ZNF91: variants seen among roughly 807,000 people sequenced by gnomAD.
The protein encoded by ZNF91 is zinc finger protein 91 (HPF7, HTF10).
Under a neutral mutation model 12.6 loss-of-function variants are expected in ZNF91, and 7 were observed. That is an observed-to-expected ratio of 0.55 (90% CI 0.31 to 1.04). ZNF91 has a LOEUF of 1.04. ZNF91 is among the 50% of genes least tolerant of loss of function. The pLI, the probability that ZNF91 is intolerant of heterozygous loss-of-function variation, is 0.05. For synonymous variants in ZNF91, 453 were observed against 462.6 expected (o/e 0.98, Z 0.27); for missense variants, 1,217 against 1,385.4 (o/e 0.88, Z 1.93).
chr19:23,313,259 G>A (rs980745753), upstream of ZNF91, among the ~76,000 whole-genome samples: 4 of 152,236 alleles, frequency 2.6e-5, no homozygotes, highest in African/African-American at 9.6e-5. Flanking sequence ...CCCACATACA[G>A]GATTGTGACT....
chr19:23,378,443 T>C (rs530102505), intron 1 of ZNF91, among the ~76,000 whole-genome samples: 8 of 152,346 alleles, frequency 5.3e-5, no homozygotes, highest in Non-Finnish European at 1.0e-4. Flanking sequence ...TTTCTTTTTT[T>C]AAACTTAGCT....
Position 23,361,368 on chromosome 19 carries a change from C to T in ZNF91, c.1611G>A (p.Lys537=). The change falls in exon 4 of 4, where the codon AAG becomes AAA. Residue 537 remains lysine, a synonymous_variant. Coordinates refer to ENST00000300619, the MANE Select transcript of ZNF91 (RefSeq NM_003430.4). The part of the protein sequence containing the change: ...FRQSLTLNKH[K]IIHSREKPYK... ...AGGGTTTCTCTCTACTATGAATTAT[C>T]TTATGTTTATTAAGGGTTAAGGATT... 1 of 1,613,188 alleles carries T rather than the reference C, an allele frequency of 6.2e-7. No homozygotes were observed. Among genetic ancestry groups the T allele is most frequent in the East Asian group, 2.2e-5 (1 of 44,794 alleles).
At chr19:23,374,125 G>A (rs1173011381) in intron 2 of ZNF91, among the ~76,000 whole-genome samples, 2 of 152,062 alleles carry the variant, frequency 1.3e-5, no homozygotes, top group Non-Finnish European at 2.9e-5. Flanking sequence ...AATCTAAAGT[G>A]AAGGACACAG....
At chr19:23,378,710 C>T (rs1313374737) in intron 1 of ZNF91, among the ~76,000 whole-genome samples, 1 of 152,040 alleles carries the variant, frequency 6.6e-6, no homozygotes, top group Admixed American at 6.6e-5. Flanking sequence ...ATAAAGAAAA[C>T]GGCCCAAATA....
downstream of ZNF91, among the ~76,000 whole-genome samples, chr19:23,337,626 T>C (rs1024021254): frequency 1.3e-5 from 2 of 151,972 alleles, no homozygotes; most frequent in Non-Finnish European, 2.9e-5. Context: ...AACACAATAA[T>C]TCTCCAGTAC....
chr19:23,362,652 C>A lies in ZNF91; in HGVS notation c.327G>T (p.Leu109=), dbSNP rs1355630784. Residue 109 remains leucine, a synonymous_variant, in exon 4 of 4, where the codon CTG becomes CTT. Transcript: ENST00000300619. ...CATGTCCACATTTTTCATATTTTCT[C>A]AGTAATACTTTTTGAAAAGAATCTT... ...SMEDSFQKVL[L]RKYEKCGHEN... 2.6e-6 allele frequency: 4 copies of A among 1,564,976 alleles called. No individual in the cohort carries two copies. The highest frequency in any genetic ancestry group is 3.4e-6 in the Non-Finnish European group (4 of 1,161,644).
chr19:23,387,765 C>CTAGCCTGG (rs1568404266), intron 1 of ZNF91, among the ~76,000 whole-genome samples: 1 of 151,588 alleles, frequency 6.6e-6, no homozygotes, highest in Non-Finnish European at 1.5e-5. Context: ...CATGGTAAAA[C>CTAGCCTGG]CCCATCTCTT....
rs776326676 is a variant in ZNF91, at chr19:23,362,274, A to G, written c.705T>C (p.Asp235=). Reference sequence around the variant, plus strand: ...CACATTCTTCACATTTGTAGGGTTTATCTTCAGTATGAATTTCCTTATGAT... The same window carrying G: ...CACATTCTTCACATTTGTAGGGTTTGTCTTCAGTATGAATTTCCTTATGAT... ...LTNHKEIHTE[D]KPYKCEECGK... Residue 235 remains aspartate (D), a synonymous_variant, in exon 4 of 4, where the codon GAT becomes GAC. Coordinates refer to ENST00000300619, the MANE Select transcript of ZNF91 (RefSeq NM_003430.4). 1 of 1,613,956 alleles carries G rather than the reference A, an allele frequency of 6.2e-7. No homozygotes were observed. The highest frequency in any genetic ancestry group is 8.5e-7 in the Non-Finnish European group (1 of 1,179,962).
chr19:23,333,076 T>C (rs1048889223), intron 1 of ZNF91, among the ~76,000 whole-genome samples: 1 of 152,188 alleles, frequency 6.6e-6, no homozygotes, highest in African/African-American at 2.4e-5. Flanking sequence ...TGGTGGATCA[T>C]GGGGGACTCT....
chr19:23,393,424 T>C (rs577401252), intron 1 of ZNF91, among the ~76,000 whole-genome samples: 1 of 152,126 alleles, frequency 6.6e-6, no homozygotes, highest in Admixed American at 6.6e-5. Flanking sequence ...CACATAGCCA[T>C]GGTGGGTATC....
downstream of ZNF91, among the ~76,000 whole-genome samples, chr19:23,335,289 G>A (rs1442139927): frequency 2.0e-5 from 3 of 152,210 alleles, no homozygotes; most frequent in African/African-American, 7.2e-5. Context: ...CACTTGAAGA[G>A]GCAGTCTGTC....
At chr19:23,314,994 T>C (rs1235266081), upstream of ZNF91, among the ~76,000 whole-genome samples, 1 of 152,240 alleles carries the variant, frequency 6.6e-6, no homozygotes. Context: ...TATTAGGTTA[T>C]GCAACTTCCC....
At chr19:23,339,116 T>C (rs995099969) in intron 3 of ZNF91, 1 of 150,750 alleles carries the variant, frequency 6.6e-6, no homozygotes, top group African/African-American at 2.4e-5. Context: ...CGCAAATCTA[T>C]GTTGCCTACA....
intron 3 of ZNF91, among the ~76,000 whole-genome samples, chr19:23,373,383 TATAA>T (rs370890023): frequency 0.1 from 7,129 of 69,212 alleles, 369 homozygotes; most frequent in Non-Finnish European, 0.16. Context: ...TATATATATA[TATAA>T]ATAAACAGTA....
intron 1 of ZNF91, among the ~76,000 whole-genome samples, chr19:23,389,175 T>C (rs1412367486): frequency 6.6e-6 from 1 of 151,882 alleles, no homozygotes; most frequent in Non-Finnish European, 1.5e-5. Flanking sequence ...AAAAACTCCC[T>C]GGGTAGGGAA....
At position 23,359,648 on chromosome 19, in the gene ZNF91, A is replaced by T. The variant is rs1329312659; in HGVS notation, c.3331T>A (p.Cys1111Ser). The T allele has an allele frequency of 1.2e-6, 2 of 1,614,084 alleles. No homozygotes were observed. The highest frequency in any genetic ancestry group is 2.2e-5 in the East Asian group (1 of 44,870). Reference sequence around the variant, plus strand: ...GAGGACTCTTTAAAGGCTTTGCCACATTCTCCACATTTGTAGGGTTTCTCT... The same window carrying T: ...GAGGACTCTTTAAAGGCTTTGCCACTTTCTCCACATTTGTAGGGTTTCTCT... ...TGEKPYKCGE[C>S]GKAFKESSAL... The change falls in exon 4 of 4, where the codon TGT becomes AGT. Residue 1111 changes from cysteine (C) to serine (S), a missense_variant. Physicochemically the swap from Cys to Ser is moderately radical, Grantham distance 112. Around this residue, in one of 2 missense-constraint regions of ZNF91, gnomAD observed 491 missense variants for 489.8 expected, o/e 1.00. Coordinates refer to ENST00000300619, the MANE Select transcript of ZNF91 (RefSeq NM_003430.4).
rs1422600617 is a variant in ZNF91, at chr19:23,386,595, C to CT, written c.30+8729dup. Among the ~76,000 whole-genome samples, 4 of 152,262 alleles carry CT rather than the reference C, an allele frequency of 2.6e-5. No individual in the cohort carries two copies. In the East Asian group the frequency reaches 7.7e-4, roughly 29 times the overall value. ...TAATAAATGGTTGTGGAATAACCAG[C>CT]TAGCACTATGGAGAAGACTAAAACT... On this transcript the variant is annotated intron_variant, in intron 1 of 3. Transcript: ENST00000300619.
At chr19:23,346,453 G>T (rs1186755796) in intron 3 of ZNF91, among the ~76,000 whole-genome samples, 1 of 151,784 alleles carries the variant, frequency 6.6e-6, no homozygotes, top group Non-Finnish European at 1.5e-5. Context: ...ACTCAAAAAG[G>T]GTGCCCATAA....
At chr19:23,355,592 G>C (rs1439169585), downstream of ZNF91, among the ~76,000 whole-genome samples, 2 of 152,060 alleles carry the variant, frequency 1.3e-5, no homozygotes, top group Non-Finnish European at 2.9e-5. Flanking sequence ...TAAAAACAAA[G>C]ATAAATAGCT....
Sources: gnomAD v4.1 joint callset for allele counts (sites outside exome capture counted in the v4.1 genomes callset) on GRCh38, gnomAD v4.1.1 for gene constraint, gnomAD v4.1.1 regional missense constraint, MANE v1.5 for transcripts, NCBI Gene and HGNC (gene_info 2026-07-23, HGNC 2026-07-21) for gene names.